PCDHAC2: variants seen among roughly 807,000 people sequenced by gnomAD.
PCDHAC2 encodes protocadherin alpha subfamily C, 2.
PCDHAC2 carries 24 observed loss-of-function variants against 63.3 expected under a neutral mutation model. The observed-to-expected ratio is 0.38, with a 90% CI of 0.27 to 0.53. PCDHAC2 has a LOEUF of 0.53. Ranked by LOEUF, PCDHAC2 falls within the 20% of genes least tolerant of loss-of-function variation. The pLI is 0.81. For synonymous variants in PCDHAC2, 569 were observed against 529.4 expected, an observed-to-expected ratio of 1.07 and a Z score of -1.03; for missense variants, 1,181 against 1,275.2, an observed-to-expected ratio of 0.93 and a Z score of 1.12.
In PCDHAC2 at chr5:141,010,283, C is replaced by T. The variant is rs1554262872; in HGVS notation, c.*346C>T. ...TGCTCCGGGGATCCTGTCTTGATGACACTTGCAGGGCAGGCTGAAAAGTTT... is the reference window on the plus strand; with the variant it reads ...TGCTCCGGGGATCCTGTCTTGATGATACTTGCAGGGCAGGCTGAAAAGTTT... On this transcript the variant is annotated 3_prime_UTR_variant, in exon 4 of 4. Transcript: ENST00000289269. 6.4e-7 allele frequency: 1 copy of T among 1,551,220 alleles called. No individual in the cohort carries two copies. The highest frequency in any genetic ancestry group is 1.4e-5 in the African/African-American group (1 of 73,110).
chr5:140,997,834 C>T (rs1385482729), intron 3 of PCDHAC2, among the ~76,000 whole-genome samples: 2 of 152,106 alleles, frequency 1.3e-5, no homozygotes, highest in Non-Finnish European at 2.9e-5. Context: ...CTAAACAATA[C>T]AATATACATT....
chr5:141,005,701 C>CAAAA (rs59860837), intron 3 of PCDHAC2, among the ~76,000 whole-genome samples: 118 of 7,756 alleles, frequency 0.015, 2 homozygotes, highest in East Asian at 0.044. Flanking sequence ...AACTCCGTCT[C>CAAAA]AAAAAAAAAA....
At position 140,978,994 on chromosome 5, in the gene PCDHAC2, GCAGGCATGCA is replaced by G; in HGVS notation, c.2616_2624+1del. 3 of 1,614,152 alleles carry G rather than the reference GCAGGCATGCA, an allele frequency of 1.9e-6. No homozygotes were observed. The highest frequency in any genetic ancestry group is 8.5e-7 in the Non-Finnish European group (1 of 1,180,022). ...CTGGCGTTACTCTGCCTCCCTGAGA[GCAGGCATGCA>G]CAGGTATGTATTTCCCTCCTCATTC... On this transcript the variant is annotated frameshift_variant, in exon 2 of 4. Transcript: ENST00000289269. LOFTEE classifies it high-confidence loss of function.
At position 140,968,789 on chromosome 5, in the gene PCDHAC2, G is replaced by T. The variant is rs782339889; in HGVS notation, c.2023G>T (p.Ala675Ser). ...AGAGCCATCACTATCAGCCTCTGTGGCCATTACAGTAGCTGTGGTGGATAG... is the reference window on the plus strand; with the variant it reads ...AGAGCCATCACTATCAGCCTCTGTGTCCATTACAGTAGCTGTGGTGGATAG... ...NGEPSLSASVAITVAVVDRVS... is the reference protein window; with the variant it reads ...NGEPSLSASVSITVAVVDRVS... Residue 675 changes from alanine (A) to serine (S), a missense_variant, in exon 1 of 4, where the codon GCC becomes TCC. By Grantham distance (99) the Ala-to-Ser change is moderately conservative. This residue lies in a region of PCDHAC2 where 968 missense variants were observed against 1,073.5 expected (regional missense o/e 0.90). Transcript: ENST00000289269. 1.9e-6 allele frequency: 3 copies of T among 1,614,180 alleles called. No homozygotes were observed. Among genetic ancestry groups the T allele is most frequent in the South Asian group, 1.1e-5 (1 of 91,078 alleles).
chr5:141,000,780 A>G (rs2097963386), intron 3 of PCDHAC2, among the ~76,000 whole-genome samples: 1 of 151,780 alleles, frequency 6.6e-6, no homozygotes, highest in Admixed American at 6.6e-5. Context: ...AGTGGCGCAC[A>G]CCTGTATTCC....
chr5:140,978,175 G>A (rs1163383689), intron 1 of PCDHAC2, among the ~76,000 whole-genome samples: 1 of 152,170 alleles, frequency 6.6e-6, no homozygotes, highest in Admixed American at 6.5e-5. Context: ...TTTGTAGAGA[G>A]AGGGCAACAG....
At chr5:140,980,730 A>G (rs1227353445) in intron 2 of PCDHAC2, among the ~76,000 whole-genome samples, 2 of 152,176 alleles carry the variant, frequency 1.3e-5, no homozygotes, top group Non-Finnish European at 2.9e-5. Context: ...CAATTAAGAT[A>G]TTATGAGATT....
chr5:140,966,990 G>A lies in PCDHAC2; in HGVS notation c.224G>A (p.Gly75Asp). Reference sequence around the variant, plus strand: ...CTTGAGCTGCGGCGCTTGGGGCCGGGTTGCTTGCGCATCAACCATCTGGGT... The same window carrying A: ...CTTGAGCTGCGGCGCTTGGGGCCGGATTGCTTGCGCATCAACCATCTGGGT... ...LGLELRRLGP[G>D]CLRINHLGAP... The change falls in exon 1 of 4, where the codon GGT becomes GAT. Residue 75 changes from glycine (G) to aspartate (D), a missense_variant. Physicochemically the swap from Gly to Asp is moderately conservative, Grantham distance 94. Coordinates refer to ENST00000289269, the MANE Select transcript of PCDHAC2 (RefSeq NM_018899.6). The A allele has an allele frequency of 6.2e-7, 1 of 1,604,280 alleles. No homozygotes were observed. The highest frequency in any genetic ancestry group is 8.5e-7 in the Non-Finnish European group (1 of 1,177,748).
chr5:141,008,786 T>C (rs2098390952), intron 3 of PCDHAC2, among the ~76,000 whole-genome samples: 1 of 152,212 alleles, frequency 6.6e-6, no homozygotes, highest in South Asian at 2.1e-4. Context: ...TGGCTCCCAG[T>C]GTTTTATCTA....
At chr5:140,975,343 A>G (rs997568363) in intron 1 of PCDHAC2, among the ~76,000 whole-genome samples, 1 of 152,224 alleles carries the variant, frequency 6.6e-6, no homozygotes, top group Middle Eastern at 3.2e-3. Context: ...TCCCTTTCTT[A>G]AAGCCAACTG....
At chr5:140,978,473 T>C (rs1401475037) in intron 1 of PCDHAC2, among the ~76,000 whole-genome samples, 1 of 152,238 alleles carries the variant, frequency 6.6e-6, no homozygotes, top group Non-Finnish European at 1.5e-5. Flanking sequence ...TCAAATATGC[T>C]GCAGTCTGCA....
intron 3 of PCDHAC2, among the ~76,000 whole-genome samples, chr5:141,004,121 C>T (rs1250923202): frequency 6.6e-6 from 1 of 152,230 alleles, no homozygotes; most frequent in Non-Finnish European, 1.5e-5. Flanking sequence ...AAGGGAGTAT[C>T]TCCATGATTC....
At chr5:140,973,753 G>A (rs935956688) in intron 1 of PCDHAC2, among the ~76,000 whole-genome samples, 1 of 152,244 alleles carries the variant, frequency 6.6e-6, no homozygotes, top group Non-Finnish European at 1.5e-5. Flanking sequence ...ACACTCTGCA[G>A]GGACACAGCC....
At chr5:140,995,851 G>A (rs2097700458) in intron 3 of PCDHAC2, among the ~76,000 whole-genome samples, 4 of 152,250 alleles carry the variant, frequency 2.6e-5, no homozygotes, top group South Asian at 2.1e-4. Flanking sequence ...CATTTCTATC[G>A]TATCACTTAA....
rs79307553 is a variant in PCDHAC2, at chr5:140,974,500, T to G, written c.2566-4449T>G. ...ACCCAGAATTCTCAAATGTATTACC[T>G]TTGTGTTTTATTTTATTTTAGTTTT... is the stretch of plus-strand genomic sequence containing the variant. On this transcript the variant is annotated intron_variant, in intron 1 of 3. Transcript: ENST00000289269. 8.7e-3 allele frequency among the ~76,000 whole-genome samples: 1,326 copies of G among 152,308 alleles called. 23 individuals carry two copies. Among genetic ancestry groups the G allele is most frequent in the African/African-American group, 0.03 (1,239 of 41,564 alleles).
chr5:140,985,928 C>A (rs1001132600), intron 3 of PCDHAC2, among the ~76,000 whole-genome samples: 2 of 151,534 alleles, frequency 1.3e-5, no homozygotes, highest in Non-Finnish European at 2.9e-5. Flanking sequence ...TTTAGTAGAG[C>A]CGGGGTTTCA....
chr5:140,992,463 C>T (rs1416840803), intron 3 of PCDHAC2, among the ~76,000 whole-genome samples: 1 of 152,162 alleles, frequency 6.6e-6, no homozygotes, highest in Non-Finnish European at 1.5e-5. Flanking sequence ...GAGGACAGTA[C>T]TCTTTAGATC....
intron 1 of PCDHAC2, among the ~76,000 whole-genome samples, chr5:140,976,680 C>T (rs2096726528): frequency 6.6e-6 from 1 of 152,146 alleles, no homozygotes; most frequent in African/African-American, 2.4e-5. Context: ...CTCATTTTTG[C>T]AATTTAAGTA....
At position 140,976,185 on chromosome 5, in the gene PCDHAC2, A is replaced by G. The variant is rs545410193; in HGVS notation, c.2566-2764A>G. Among the ~76,000 whole-genome samples the G allele has an allele frequency of 4.6e-5, 7 of 152,340 alleles. No homozygotes were observed. The South Asian group carries it at 1.2e-3, about 27-fold the overall frequency. ...TTTAGTTTTGTATTGTTTTAAATCAATATCCTGGAAACTCAGAAGTAAAAA... is the reference window on the plus strand; with the variant it reads ...TTTAGTTTTGTATTGTTTTAAATCAGTATCCTGGAAACTCAGAAGTAAAAA... On this transcript the variant is annotated intron_variant, in intron 1 of 3. Coordinates refer to ENST00000289269, the MANE Select transcript of PCDHAC2 (RefSeq NM_018899.6).
Sources: allele counts gnomAD v4.1 joint callset (sites outside exome capture counted in the v4.1 genomes callset), GRCh38; gene constraint gnomAD v4.1.1; regional missense constraint gnomAD v4.1.1; transcripts MANE v1.5; gene names NCBI Gene and HGNC (gene_info 2026-07-23, HGNC 2026-07-21).